The following CNOT2 variants were observed in gnomAD, a reference collection of about 807,000 sequenced individuals.
CNOT2 encodes the protein CC chemokine receptor 4-negative regulator of transcription 2.
CNOT2 carries 7 observed loss-of-function variants against 72.1 expected under a neutral mutation model. The ratio of observed to expected loss-of-function variants is 0.10; its 90% CI spans 0.06 to 0.18. The LOEUF is 0.18. CNOT2 is among the 10% of genes least tolerant of loss of function. The pLI, the probability that CNOT2 is intolerant of heterozygous loss-of-function variation, is 1.00. For synonymous variants in CNOT2, 196 were observed against 225.6 expected (o/e 0.87, Z 1.17); for missense variants, 345 against 660.3 (o/e 0.52, Z 5.23).
chr12:70,346,387 ATC>A (rs766220738), intron 15 of CNOT2, 63 bp downstream of exon 15: 67 of 1,381,010 alleles, frequency 4.9e-5, no homozygotes, highest in Non-Finnish European at 6.8e-5. Flanking sequence ...GTCCTCTTTT[ATC>A]TGTTTATAAG....
At chr12:70,249,416 G>A (rs1470202825) in intron 1 of CNOT2, among the ~76,000 whole-genome samples, 2 of 151,528 alleles carry the variant, frequency 1.3e-5, no homozygotes, top group Non-Finnish European at 2.9e-5. Context: ...TTAAAACTTA[G>A]CATTTATGTT....
At chr12:70,261,529 G>A (rs953456751) in intron 1 of CNOT2, among the ~76,000 whole-genome samples, 1 of 151,528 alleles carries the variant, frequency 6.6e-6, no homozygotes, top group African/African-American at 2.4e-5. Context: ...TGTTAGCCAG[G>A]ATGGTCTCAA....
chr12:70,258,896 A>T lies in CNOT2; in HGVS notation c.-96+15416A>T, dbSNP rs1163368911. 5.3e-5 allele frequency among the ~76,000 whole-genome samples: 8 copies of T among 152,338 alleles called. No homozygotes were observed. In the East Asian group the frequency reaches 1.5e-3, roughly 29 times the overall value. The stretch of plus-strand genomic sequence containing the variant: ...ATTCTTGATGTCTTATGATTAAAAA[A>T]TTGCAAAGCAGTATGTGTGGCTAGA... On this transcript the variant is annotated intron_variant, in intron 1 of 15. Coordinates refer to ENST00000229195, the MANE Select transcript of CNOT2 (RefSeq NM_014515.7).
intron 2 of CNOT2, among the ~76,000 whole-genome samples, chr12:70,293,386 C>T (rs1364914370): frequency 1.1e-4 from 17 of 151,874 alleles, no homozygotes; most frequent in African/African-American, 3.4e-4. Context: ...CTCAAACTCC[C>T]GACCTCAGGT....
intron 1 of CNOT2, among the ~76,000 whole-genome samples, chr12:70,275,752 G>A (rs1252715252): frequency 6.6e-6 from 1 of 152,086 alleles, no homozygotes; most frequent in Admixed American, 6.6e-5. Context: ...TAGGGTGCAT[G>A]CTGTCTCTCA....
intron 15 of CNOT2, among the ~76,000 whole-genome samples, chr12:70,351,845 G>C (rs1882904749): frequency 6.6e-6 from 1 of 152,190 alleles, no homozygotes; most frequent in African/African-American, 2.4e-5. Flanking sequence ...GGCTGGGAGA[G>C]GGGGAGTAGT....
At chr12:70,335,006 G>T (rs957805675) in intron 7 of CNOT2, 2 of 155,202 alleles carry the variant, frequency 1.3e-5, no homozygotes, top group East Asian at 3.8e-4. Flanking sequence ...CTGGCCATTT[G>T]CAGGAGGCAC....
At chr12:70,308,584 T>TCTCTCTCTCTCTCTCACA (rs550679130) in intron 2 of CNOT2, among the ~76,000 whole-genome samples, 30 of 133,326 alleles carry the variant, frequency 2.3e-4, no homozygotes, top group African/African-American at 7.9e-4. Flanking sequence ...TCTCTCTCTC[T>TCTCTCTCTCTCTCTCACA]CACACACACA....
intron 1 of CNOT2, among the ~76,000 whole-genome samples, chr12:70,264,164 T>G (rs1252552510): frequency 6.6e-6 from 1 of 152,170 alleles, no homozygotes; most frequent in Non-Finnish European, 1.5e-5. Context: ...TAGGGGCATT[T>G]TTTTGAGGCT....
intron 15 of CNOT2, 193 bp downstream of exon 15, chr12:70,346,517 A>C (rs956835697): frequency 2.4e-6 from 1 of 419,920 alleles, no homozygotes. Context: ...TGATAGTTAC[A>C]TTATTGAATT....
chr12:70,274,371 G>A (rs189619572), intron 1 of CNOT2, among the ~76,000 whole-genome samples: 3 of 151,970 alleles, frequency 2.0e-5, no homozygotes, highest in Non-Finnish European at 2.9e-5. Flanking sequence ...CAGTGAAATC[G>A]GTCACATCTT....
chr12:70,251,505 T>G (rs2135702596), intron 1 of CNOT2, among the ~76,000 whole-genome samples: 1 of 152,288 alleles, frequency 6.6e-6, no homozygotes, highest in Admixed American at 6.5e-5. Flanking sequence ...GTATGAGGTC[T>G]TATCTTTTAT....
At chr12:70,285,831 G>A (rs537277472) in intron 2 of CNOT2, among the ~76,000 whole-genome samples, 2 of 152,090 alleles carry the variant, frequency 1.3e-5, no homozygotes, top group Non-Finnish European at 2.9e-5. Flanking sequence ...TAGTCAACAG[G>A]TATTCACTGG....
At chr12:70,244,066 A>G (rs1211269421) in intron 1 of CNOT2, 2 of 152,398 alleles carry the variant, frequency 1.3e-5, no homozygotes, top group Admixed American at 6.5e-5. Flanking sequence ...CAAGTGTCAG[A>G]TGGGAGACAC....
At chr12:70,262,182 TTTTA>T (rs1246965276) in intron 1 of CNOT2, among the ~76,000 whole-genome samples, 2 of 152,200 alleles carry the variant, frequency 1.3e-5, no homozygotes, top group African/African-American at 2.4e-5. Context: ...TTTCTCATTT[TTTTA>T]TTCTCTAGTT....
intron 2 of CNOT2, among the ~76,000 whole-genome samples, chr12:70,295,779 A>G (rs948844557): frequency 6.6e-6 from 1 of 152,120 alleles, no homozygotes; most frequent in Non-Finnish European, 1.5e-5. Context: ...TTTTTGAATA[A>G]TTAGAATTTT....
At chr12:70,342,358 C>A in intron 13 of CNOT2, 51 bp downstream of exon 13, 1 of 1,600,412 alleles carries the variant, frequency 6.2e-7, no homozygotes, top group South Asian at 1.1e-5. Flanking sequence ...ATCTATTTTT[C>A]ACATGTTTTT....
chr12:70,246,472 G>A (rs1449873331), intron 1 of CNOT2, among the ~76,000 whole-genome samples: 1 of 152,142 alleles, frequency 6.6e-6, no homozygotes, highest in Non-Finnish European at 1.5e-5. Context: ...AATATGAGGT[G>A]TACTGTAATG....
intron 13 of CNOT2, 54 bp from the exon 14 acceptor site, chr12:70,344,073 AT>A (rs3215328): frequency 0.18 from 220,667 of 1,244,462 alleles, 21,543 homozygotes; most frequent in African/African-American, 0.37. Context: ...GCAACTATAT[AT>A]TAGGATTTGC....
Sources: allele counts gnomAD v4.1 joint callset (sites outside exome capture counted in the v4.1 genomes callset), GRCh38; gene constraint gnomAD v4.1.1; transcripts MANE v1.5; gene names NCBI Gene and HGNC (gene_info 2026-07-23, HGNC 2026-07-21).